STRN3: variants seen among roughly 807,000 people sequenced by gnomAD.
STRN3 encodes the protein striatin 3.
STRN3 carries 29 observed loss-of-function variants against 95.6 expected under a neutral mutation model. That is an observed-to-expected ratio of 0.30 (90% CI 0.23 to 0.41). The LOEUF (loss-of-function observed/expected upper bound fraction) is 0.41. STRN3 is among the 10% of genes least tolerant of loss of function. STRN3 has a pLI of 1.00. For missense variants in STRN3, 890 were observed against 972.1 expected, an observed-to-expected ratio of 0.92 and a Z score of 1.12; for synonymous variants, 331 against 357.6, an observed-to-expected ratio of 0.93 and a Z score of 0.84.
chr14:30,915,251 T>C (rs1340716765), intron 9 of STRN3, among the ~76,000 whole-genome samples: 2 of 152,126 alleles, frequency 1.3e-5, no homozygotes. Flanking sequence ...CTACTGGAAA[T>C]AATTCTGAGA....
At chr14:30,950,592 C>T (rs1879589508) in intron 4 of STRN3, among the ~76,000 whole-genome samples, 1 of 152,128 alleles carries the variant, frequency 6.6e-6, no homozygotes, top group South Asian at 2.1e-4. Context: ...GAATGGAGGG[C>T]TCTATCAAGT....
chr14:30,929,235 G>C lies in STRN3; in HGVS notation c.1065C>G (p.Tyr355Ter). Residue 355 changes from tyrosine (Y) to a stop codon, truncating the protein, a stop_gained, in exon 8 of 18, where the codon TAC becomes TAG. Coordinates refer to ENST00000357479, the MANE Select transcript of STRN3 (RefSeq NM_001083893.2). LOFTEE classifies it high-confidence loss of function. ...CTTTCTTCCCCTTTCGTTCCTTCTT[G>C]TACTGTTCCTTCAGTTTACTTATTA... ...QGLISKLKEQ[Y>*]KKERKGKKGV... 1 of 1,612,698 alleles carries C rather than the reference G, an allele frequency of 6.2e-7. No homozygotes were observed. The highest frequency in any genetic ancestry group is 8.5e-7 in the Non-Finnish European group (1 of 1,179,418).
intron 10 of STRN3, among the ~76,000 whole-genome samples, chr14:30,912,736 T>C (rs189038741): frequency 1.9e-4 from 29 of 152,288 alleles, no homozygotes; most frequent in Admixed American, 4.6e-4. Context: ...TCTGTAAAGA[T>C]AGGCTGTGAA....
Position 30,911,165 on chromosome 14 carries a change from A to G in STRN3, c.1599-3T>C, listed in dbSNP as rs1325606604. 1 of 1,608,448 alleles carries G rather than the reference A, an allele frequency of 6.2e-7. No homozygotes were observed. Among genetic ancestry groups the G allele is most frequent in the Non-Finnish European group, 8.5e-7 (1 of 1,178,598 alleles). ...TAGCTAATGACAGAACAGGGCCGCT[A>G]TTGTAGGAAGAGAGGAAAAACAAAT... On this transcript the variant is annotated splice_region_variant and splice_polypyrimidine_tract_variant and intron_variant, in intron 12 of 17. Coordinates refer to ENST00000357479, the MANE Select transcript of STRN3 (RefSeq NM_001083893.2).
chr14:30,905,997 G>A (rs974843501), intron 14 of STRN3, among the ~76,000 whole-genome samples: 1 of 152,180 alleles, frequency 6.6e-6, no homozygotes, highest in Non-Finnish European at 1.5e-5. Context: ...GCTAATACAA[G>A]TCAGATTTTT....
chr14:31,010,357 T>C (rs1324453415), intron 1 of STRN3, among the ~76,000 whole-genome samples: 1 of 148,846 alleles, frequency 6.7e-6, no homozygotes. Flanking sequence ...ATTAGGTATA[T>C]CTCCTAATGC....
In STRN3 at chr14:30,905,492, T is replaced by C. The variant is rs367911304; in HGVS notation, c.1955A>G (p.Asn652Ser). 4.1e-5 allele frequency: 66 copies of C among 1,610,368 alleles called. No individual in the cohort carries two copies. The highest frequency in any genetic ancestry group is 5.4e-5 in the Non-Finnish European group (64 of 1,178,586). The change falls in exon 15 of 18, where the codon AAC becomes AGC. Residue 652 changes from asparagine (N) to serine (S), a missense_variant. This residue lies in a region of STRN3 where 357 missense variants were observed against 422.8 expected (regional missense o/e 0.84). Transcript: ENST00000357479. The part of the protein sequence containing the change: ...CDPAHMVTSF[N>S]TGSAVIYDLE... ...ATCATAAATTACTGCACTACCAGTG[T>C]TGAAAGAGGTTACCATATGAGCTGG...
At chr14:31,025,089 C>G (rs1883733372) in intron 1 of STRN3, 1 of 152,182 alleles carries the variant, frequency 6.6e-6, no homozygotes, top group Admixed American at 6.6e-5. Flanking sequence ...AACTACGTTT[C>G]ACTTCAAGGG....
intron 12 of STRN3, 123 bp from the exon 13 acceptor site, chr14:30,911,285 C>G (rs528500306): frequency 1.0e-6 from 1 of 986,218 alleles, no homozygotes; most frequent in African/African-American, 1.7e-5. Context: ...ACATGTACAC[C>G]TGACTGGTAC....
Position 30,992,304 on chromosome 14 carries a change from G to A in STRN3, c.282+33600C>T, listed in dbSNP as rs187020482. On this transcript the variant is annotated intron_variant, in intron 1 of 17. Transcript: ENST00000357479. ...CGGGCGCCTATAATCCCAGCTACTCGGGAGACCTGAGAATCGCTTGAATCC... is the reference window on the plus strand; with the variant it reads ...CGGGCGCCTATAATCCCAGCTACTCAGGAGACCTGAGAATCGCTTGAATCC... Among the ~76,000 whole-genome samples the A allele has an allele frequency of 1.7e-3, 265 of 151,842 alleles. 1 individual carries two copies. Among genetic ancestry groups the A allele is most frequent in the African/African-American group, 5.7e-3 (237 of 41,416 alleles).
At position 30,894,548 on chromosome 14, in the gene STRN3, T is replaced by C. The variant is rs1329701246; in HGVS notation, c.*863A>G. The stretch of plus-strand genomic sequence containing the variant: ...TGATAGGATGCCAAGATTAGTTTTT[T>C]TCTTTAAGAGTTCATTTGGAGTACT... On this transcript the variant is annotated 3_prime_UTR_variant, in exon 18 of 18. Coordinates refer to ENST00000357479, the MANE Select transcript of STRN3 (RefSeq NM_001083893.2). 2 of 152,796 alleles carry C rather than the reference T, an allele frequency of 1.3e-5. No individual in the cohort carries two copies. The highest frequency in any genetic ancestry group is 2.9e-5 in the Non-Finnish European group (2 of 68,158). The allele number at this position is 152,796 out of a possible 1,614,324, so 9.5% of individuals were successfully genotyped here.
chr14:30,934,523 C>T (rs1174886382), intron 7 of STRN3, among the ~76,000 whole-genome samples: 3 of 151,966 alleles, frequency 2.0e-5, no homozygotes, highest in African/African-American at 4.8e-5. Flanking sequence ...GGTTTTTAAC[C>T]ATGTACAGAT....
intron 1 of STRN3, among the ~76,000 whole-genome samples, chr14:30,998,907 T>A (rs549802831): frequency 9.9e-4 from 151 of 152,114 alleles, no homozygotes; most frequent in Admixed American, 3.3e-3. Context: ...GTAGTTCAAA[T>A]CCAGCCTGGG....
rs760226320 is a variant in STRN3, at chr14:30,912,367, GAAT to G, written c.1375-188_1375-186del. 3.6e-5 allele frequency: 17 copies of G among 468,436 alleles called. No homozygotes were observed. In the South Asian group the frequency reaches 8.2e-4, roughly 23 times the overall value. 29.0% of individuals were successfully genotyped at this position (468,436 alleles called of 1,614,324 possible). On this transcript the variant is annotated intron_variant, in intron 10 of 17. Coordinates refer to ENST00000357479, the MANE Select transcript of STRN3 (RefSeq NM_001083893.2). ...AACTTTATCATTTAATAATAACTCAGAATAATTTCATTCGCCTTACAAATAGCC... is the reference window on the plus strand; with the variant it reads ...AACTTTATCATTTAATAATAACTCAGAATTTCATTCGCCTTACAAATAGCC...
In STRN3 at chr14:30,956,189, C is replaced by G; in HGVS notation, c.336G>C (p.Lys112Asn). 1 of 1,613,894 alleles carries G rather than the reference C, an allele frequency of 6.2e-7. No individual in the cohort carries two copies. Among genetic ancestry groups the G allele is most frequent in the African/African-American group, 1.3e-5 (1 of 75,018 alleles). ...ACATCTTTATTCTTCTTACTAAGTCCTTCTTCAGGTTCTCTTGACCTTTTC... is the reference window on the plus strand; with the variant it reads ...ACATCTTTATTCTTCTTACTAAGTCGTTCTTCAGGTTCTCTTGACCTTTTC... ...GERKGQENLK[K>N]DLVRRIKMLE... The change falls in exon 2 of 18, where the codon AAG becomes AAC. Residue 112 changes from lysine (K) to asparagine (N), a missense_variant. Lys to Asn is a moderately conservative substitution (Grantham distance 94). Transcript: ENST00000357479.
At chr14:30,901,197 T>C (rs28572507) in intron 16 of STRN3, among the ~76,000 whole-genome samples, 29,843 of 151,864 alleles carry the variant, frequency 0.2, 3,542 homozygotes, top group Middle Eastern at 0.3. Flanking sequence ...TCCCAGCATT[T>C]TGGGAGGCTG....
At chr14:30,931,342 A>T (rs530984902) in intron 7 of STRN3, among the ~76,000 whole-genome samples, 20 of 152,244 alleles carry the variant, frequency 1.3e-4, no homozygotes, top group African/African-American at 4.1e-4. Context: ...ATCTAGGGGG[A>T]AAAAATACCA....
At chr14:30,984,115 G>A (rs1161008356) in intron 1 of STRN3, among the ~76,000 whole-genome samples, 1 of 135,162 alleles carries the variant, frequency 7.4e-6, no homozygotes, top group Admixed American at 7.9e-5. Flanking sequence ...GAAATTCCAT[G>A]GCATCTTCCC....
chr14:30,965,138 C>T (rs1880421057), intron 1 of STRN3, among the ~76,000 whole-genome samples: 1 of 152,152 alleles, frequency 6.6e-6, no homozygotes, highest in African/African-American at 2.4e-5. Flanking sequence ...TTACTAGTCA[C>T]TAGTTCACTA....
Sources: gnomAD v4.1 joint callset for allele counts (sites outside exome capture counted in the v4.1 genomes callset) on GRCh38, gnomAD v4.1.1 for gene constraint, gnomAD v4.1.1 regional missense constraint, MANE v1.5 for transcripts, NCBI Gene and HGNC (gene_info 2026-07-23, HGNC 2026-07-21) for gene names.